PCDH15: variants seen among roughly 807,000 people sequenced by gnomAD.
PCDH15 encodes the protein protocadherin related 15.
Under a neutral mutation model 178.5 loss-of-function variants are expected in PCDH15, and 129 were observed. The observed-to-expected ratio is 0.72, with a 90% CI of 0.63 to 0.84. PCDH15 has a LOEUF of 0.84. PCDH15 is among the 40% of genes least tolerant of loss of function. PCDH15 has a pLI of 0.00. For missense variants in PCDH15, 2,230 were observed against 2,099.9 expected (o/e 1.06, Z -1.21); for synonymous variants, 800 against 732.0 (o/e 1.09, Z -1.50).
In PCDH15 at chr10:54,264,386, T is replaced by A. The variant is rs534533687; in HGVS notation, c.877-27455A>T. On this transcript the variant is annotated intron_variant, in intron 8 of 37. Coordinates refer to ENST00000644397, the MANE Select transcript of PCDH15 (RefSeq NM_001384140.1). ...AGTGTTTTGTGGTCTCCAAAGCCTC[T>A]CACTAGCTCCCTAGAAAAGGATCCT... Among the ~76,000 whole-genome samples the A allele has an allele frequency of 1.4e-4, 22 of 152,244 alleles. No individual in the cohort carries two copies. The Middle Eastern group carries it at 0.014, about 94-fold the overall frequency.
intron 2 of PCDH15, among the ~76,000 whole-genome samples, chr10:54,540,903 A>G (rs2085137956): frequency 6.6e-6 from 1 of 152,186 alleles, no homozygotes; most frequent in Non-Finnish European, 1.5e-5. Flanking sequence ...ATTAAAACCA[A>G]AAACTATACG....
In PCDH15 at chr10:54,669,030, C is replaced by T. The variant is rs149739815; in HGVS notation, c.-28-4740G>A. 7.0e-4 allele frequency among the ~76,000 whole-genome samples: 107 copies of T among 152,250 alleles called. 1 individual carries two copies. The highest frequency in any genetic ancestry group is 2.6e-3 in the African/African-American group (107 of 41,552). On this transcript the variant is annotated intron_variant, in intron 1 of 37. Transcript: ENST00000644397. ...TATCTACCTGCTGGAATAAAGCAAACTTCCCTTCAAAGCAACCTCAGCTTC... is the reference window on the plus strand; with the variant it reads ...TATCTACCTGCTGGAATAAAGCAAATTTCCCTTCAAAGCAACCTCAGCTTC...
intron 2 of PCDH15, among the ~76,000 whole-genome samples, chr10:55,154,930 C>T (rs2589438): frequency 0.94 from 143,189 of 152,172 alleles, 67,652 homozygotes; most frequent in East Asian, 1. Flanking sequence ...ATTCACACCC[C>T]TGACATACTT....
intron 2 of PCDH15, among the ~76,000 whole-genome samples, chr10:55,626,494 G>A (rs1408659787): frequency 1.3e-5 from 2 of 152,142 alleles, no homozygotes; most frequent in Non-Finnish European, 2.9e-5. Flanking sequence ...TTATTTCACT[G>A]ATTACTGTAT....
At chr10:53,906,715 T>C (rs1194525934) in intron 25 of PCDH15, among the ~76,000 whole-genome samples, 4 of 152,218 alleles carry the variant, frequency 2.6e-5, no homozygotes, top group South Asian at 4.1e-4. Context: ...GTAGAGCCTT[T>C]AAAGCAGCAG....
intron 1 of PCDH15, among the ~76,000 whole-genome samples, chr10:55,220,377 T>C (rs2132182885): frequency 6.6e-6 from 1 of 152,176 alleles, no homozygotes; most frequent in African/African-American, 2.4e-5. Context: ...TAACTTGTCA[T>C]TTAAAAAATA....
At position 53,975,748 on chromosome 10, in the gene PCDH15, C is replaced by T. The variant is rs552224391; in HGVS notation, c.2869-13856G>A. On this transcript the variant is annotated intron_variant, in intron 21 of 37. Coordinates refer to ENST00000644397, the MANE Select transcript of PCDH15 (RefSeq NM_001384140.1). ...CTGTTTACTTTGTTGATAGTCTCTT[C>T]GCTGGGGCAAAGCTCTTTAGTTTAA... is the stretch of plus-strand genomic sequence containing the variant. 1.4e-4 allele frequency among the ~76,000 whole-genome samples: 21 copies of T among 150,588 alleles called. 1 individual carries two copies. Among genetic ancestry groups the T allele is most frequent in the East Asian group, 1.4e-3 (7 of 5,174 alleles).
intron 2 of PCDH15, among the ~76,000 whole-genome samples, chr10:55,362,816 A>G (rs910320063): frequency 1.3e-5 from 2 of 152,122 alleles, no homozygotes; most frequent in African/African-American, 4.8e-5. Context: ...TATAGAAATC[A>G]CTGAATTCTT....
chr10:54,600,267 G>A (rs891726251), intron 2 of PCDH15: 15 of 548,724 alleles, frequency 2.7e-5, no homozygotes, highest in Non-Finnish European at 4.8e-5. Context: ...GGAGAAAGTG[G>A]GAGGAAATGG....
At chr10:53,999,711 T>C (rs2092029737) in intron 20 of PCDH15, among the ~76,000 whole-genome samples, 1 of 152,124 alleles carries the variant, frequency 6.6e-6, no homozygotes, top group Non-Finnish European at 1.5e-5. Context: ...GAACACAAGG[T>C]AGAATTCTAA....
chr10:55,054,148 C>T (rs1349264668), intron 2 of PCDH15, among the ~76,000 whole-genome samples: 1 of 152,080 alleles, frequency 6.6e-6, no homozygotes, highest in Non-Finnish European at 1.5e-5. Context: ...TTATTTAAAT[C>T]CTACTCATGT....
At chr10:54,853,322 TACACACACATATAC>T (rs1564570370) in intron 3 of PCDH15, among the ~76,000 whole-genome samples, 1 of 108,950 alleles carries the variant, frequency 9.2e-6, no homozygotes, top group African/African-American at 3.6e-5. Flanking sequence ...TATATATACA[TACACACACATATAC>T]ATATATATAC....
chr10:53,866,838 CCAGTATCTTTAT>C lies in PCDH15; in HGVS notation c.3509_3520del (p.Asp1170_Thr1173del). 6.2e-7 allele frequency: 1 copy of C among 1,610,682 alleles called. No individual in the cohort carries two copies. Among genetic ancestry groups the C allele is most frequent in the Non-Finnish European group, 8.5e-7 (1 of 1,177,518 alleles). ...TCTGTAGGCCATGACACTATAATTG[CCAGTATCTTTAT>C]CAGTAGCCTAGACGGAGGGGAAAAA... On this transcript the variant is annotated inframe_deletion, in exon 27 of 38. Coordinates refer to ENST00000644397, the MANE Select transcript of PCDH15 (RefSeq NM_001384140.1).
At chr10:53,992,015 C>T (rs2091530431) in intron 21 of PCDH15, among the ~76,000 whole-genome samples, 2 of 152,104 alleles carry the variant, frequency 1.3e-5, no homozygotes, top group Non-Finnish European at 2.9e-5. Flanking sequence ...ATAAATCTTG[C>T]TGCTGCTTAC....
chr10:54,958,060 T>G (rs887661487), intron 2 of PCDH15, among the ~76,000 whole-genome samples: 2 of 151,792 alleles, frequency 1.3e-5, no homozygotes, highest in Non-Finnish European at 3.0e-5. Flanking sequence ...ATTCTCAAAT[T>G]TGCTGTCCCT....
chr10:54,658,472 T>C (rs2094443485), intron 2 of PCDH15, among the ~76,000 whole-genome samples: 1 of 152,172 alleles, frequency 6.6e-6, no homozygotes, highest in Non-Finnish European at 1.5e-5. Flanking sequence ...TAGAGGTCTA[T>C]TTTGAGCCTT....
At chr10:53,878,250 T>A (rs1261068723) in intron 26 of PCDH15, among the ~76,000 whole-genome samples, 2 of 135,284 alleles carry the variant, frequency 1.5e-5, no homozygotes, top group African/African-American at 2.7e-5. Flanking sequence ...ATATTCTACA[T>A]ATACATACAG....
In PCDH15 at chr10:55,410,636, C is replaced by T. The variant is rs73257728; in HGVS notation, c.-156+216989G>A. Among the ~76,000 whole-genome samples, 1,045 of 152,158 alleles carry T rather than the reference C, an allele frequency of 6.9e-3. 18 individuals are homozygous for T. The highest frequency in any genetic ancestry group is 0.023 in the African/African-American group (974 of 41,524). On this transcript the variant is annotated intron_variant, in intron 2 of 5. Transcript: ENST00000613346. ...CCAGATAATACAATGAAACATTTCC[C>T]GGAGCAGAGAGCTTGGTTCATTGTG...
At chr10:55,197,120 A>T (rs1425385214) in intron 1 of PCDH15, among the ~76,000 whole-genome samples, 1 of 151,960 alleles carries the variant, frequency 6.6e-6, no homozygotes, top group Admixed American at 6.6e-5. Context: ...AGATTGAAAC[A>T]ATTTTATTTA....
Sources: gnomAD v4.1 joint callset for allele counts (sites outside exome capture counted in the v4.1 genomes callset) on GRCh38, gnomAD v4.1.1 for gene constraint, MANE v1.5 for transcripts, NCBI Gene and HGNC (gene_info 2026-07-23, HGNC 2026-07-21) for gene names.